FAM107A: variants seen among roughly 807,000 people sequenced by gnomAD.
FAM107A encodes the protein family with sequence similarity 107 member A, also known as actin-associated protein FAM107A.
FAM107A carries 19 observed loss-of-function variants against 13.7 expected under a neutral mutation model. The ratio of observed to expected loss-of-function variants is 1.38; its 90% confidence interval spans 0.97 to 2.03. The LOEUF (loss-of-function observed/expected upper bound fraction) is 2.03. Ranked by LOEUF, FAM107A falls within the 30% of genes most tolerant of loss-of-function variation. FAM107A has a pLI of 0.00. For synonymous variants in FAM107A, 82 were observed against 74.5 expected (o/e 1.10, Z -0.52); for missense variants, 203 against 184.4 (o/e 1.10, Z -0.58).
Position 58,604,106 on chromosome 3 carries a change from C to T in FAM107A, c.-69-14837G>A, listed in dbSNP as rs1254809731. The stretch of plus-strand genomic sequence containing the variant: ...CATGTCGGCTGATGAGCAGTTTCCA[C>T]CTGGGCTTTTGAAGGAGGGAGCCAC... On this transcript the variant is annotated intron_variant, in intron 1 of 3. Transcript: ENST00000465970. This position sits in a 1 kb window ranked among gnomAD's most constrained non-coding sequence, Gnocchi z 4.1. Among the ~76,000 whole-genome samples the T allele has an allele frequency of 6.6e-6, 1 of 151,974 alleles. No individual in the cohort carries two copies. Among genetic ancestry groups the T allele is most frequent in the African/African-American group, 2.4e-5 (1 of 41,348 alleles).
Position 58,613,087 on chromosome 3 carries a change from T to TAGAAA in FAM107A, c.-70+14328_-70+14329insTTTCT, listed in dbSNP as rs1311442948. On this transcript the variant is annotated intron_variant, in intron 1 of 3. Transcript: ENST00000465970. The surrounding 1 kb of genome is among the most constrained non-coding windows in gnomAD (Gnocchi z 4.6). Reference sequence around the variant, plus strand: ...AAGGTGATGATGGTCGGCAGCTCCATATCGCCAGCCGTGACTCTGCCCTGA... The same window carrying TAGAAA: ...AAGGTGATGATGGTCGGCAGCTCCATAGAAAATCGCCAGCCGTGACTCTGCCCTGA... Among the ~76,000 whole-genome samples, 8 of 152,154 alleles carry TAGAAA rather than the reference T, an allele frequency of 5.3e-5. No homozygotes were observed. The highest frequency in any genetic ancestry group is 1.7e-4 in the African/African-American group (7 of 41,426).
chr3:58,578,753 C>A (rs1041389892), upstream of FAM107A, among the ~76,000 whole-genome samples: 1 of 152,166 alleles, frequency 6.6e-6, no homozygotes, highest in Non-Finnish European at 1.5e-5. Flanking sequence ...AGTGAGGAAG[C>A]TGGGGTCTAC....
At position 58,624,446 on chromosome 3, in the gene FAM107A, G is replaced by A. The variant is rs141375610; in HGVS notation, c.-70+2970C>T. On this transcript the variant is annotated intron_variant, in intron 1 of 3. Transcript: ENST00000465970. The stretch of plus-strand genomic sequence containing the variant: ...CCAGTGGTCTATCTGTCACACCCTC[G>A]ACCCTTTCAGTGTTCTTCCATTCTC... Among the ~76,000 whole-genome samples, 546 of 149,054 alleles carry A rather than the reference G, an allele frequency of 3.7e-3. 2 individuals carry two copies. The highest frequency in any genetic ancestry group is 0.013 in the African/African-American group (516 of 40,488).
chr3:58,586,860 G>C, exon 1 of FAM107A: 1 of 1,530,154 alleles, frequency 6.5e-7, no homozygotes, highest in Non-Finnish European at 8.7e-7. Context: ...CCACTTACCC[G>C]ACCGGAGCAG....
rs1359904607 is a variant in FAM107A at position 58,613,875 on chromosome 3, C to T, written c.-70+13541G>A. Among the ~76,000 whole-genome samples the T allele has an allele frequency of 6.6e-6, 1 of 152,256 alleles. No individual in the cohort carries two copies. The highest frequency in any genetic ancestry group is 1.5e-5 in the Non-Finnish European group (1 of 68,042). ...CCTGTCCAAGGTCTATACGTTACAT[C>T]TGCCTCAGACAGCCTTCTGGCTCTG... On this transcript the variant is annotated intron_variant, in intron 1 of 3. Coordinates refer to the FAM107A transcript ENST00000465970. This position sits in a 1 kb window ranked among gnomAD's most constrained non-coding sequence, Gnocchi z 4.6.
upstream of FAM107A, among the ~76,000 whole-genome samples, chr3:58,581,160 G>C (rs2065536842): frequency 6.6e-6 from 1 of 152,238 alleles, no homozygotes; most frequent in African/African-American, 2.4e-5. Flanking sequence ...CTGCATACTT[G>C]CTCGGCCCCC....
chr3:58,591,351 C>T (rs1217664971), upstream of FAM107A, among the ~76,000 whole-genome samples: 1 of 152,128 alleles, frequency 6.6e-6, no homozygotes, highest in Non-Finnish European at 1.5e-5. The surrounding 1 kb of genome is among the most constrained non-coding windows in gnomAD (Gnocchi z 4.3). Flanking sequence ...AGCAGATGTC[C>T]TGGGGCAGGG....
At chr3:58,593,423 G>A (rs537025329) in intron 1 of FAM107A, among the ~76,000 whole-genome samples, 1 of 152,126 alleles carries the variant, frequency 6.6e-6, no homozygotes, top group South Asian at 2.1e-4. Flanking sequence ...TAAATGCCCT[G>A]CCCTTGTTTA....
upstream of FAM107A, among the ~76,000 whole-genome samples, chr3:58,587,925 G>GA (rs2065624032): frequency 6.6e-6 from 1 of 152,120 alleles, no homozygotes; most frequent in Non-Finnish European, 1.5e-5. Flanking sequence ...TTGCAAATAA[G>GA]AAAAAACAGA....
At chr3:58,615,644 C>A (rs1250366220) in intron 1 of FAM107A, among the ~76,000 whole-genome samples, 1 of 151,992 alleles carries the variant, frequency 6.6e-6, no homozygotes, top group Non-Finnish European at 1.5e-5. Flanking sequence ...GCCTGTAATC[C>A]CAGCACTTTG....
intron 1 of FAM107A, among the ~76,000 whole-genome samples, chr3:58,608,230 G>T (rs1277223697): frequency 6.6e-6 from 1 of 152,240 alleles, no homozygotes; most frequent in East Asian, 1.9e-4. Context: ...GCACAGAGTA[G>T]GTGCTCAATA....
rs71625690 is a variant in FAM107A at position 58,565,435 on chromosome 3, ATTTTTTTTTTT to A, written c.*1142_*1152del. ...GACTAGGAAAAAGTAAAAAAAAAAAATTTTTTTTTTTTTTTTTTTTTTTTTGGCTAGAATTG... is the reference window on the plus strand; with the variant it reads ...GACTAGGAAAAAGTAAAAAAAAAAAATTTTTTTTTTTTTTGGCTAGAATTG... On this transcript the variant is annotated 3_prime_UTR_variant, in exon 4 of 4. Transcript: ENST00000360997. 20 of 82,324 alleles carry A rather than the reference ATTTTTTTTTTT, an allele frequency of 2.4e-4. No homozygotes were observed. The highest frequency in any genetic ancestry group is 2.2e-4 in the African/African-American group (5 of 22,722). 5.1% of individuals were successfully genotyped at this position (82,324 alleles called of 1,614,324 possible).
intron 1 of FAM107A, among the ~76,000 whole-genome samples, chr3:58,597,047 C>T (rs762024965): frequency 2.0e-5 from 3 of 152,196 alleles, no homozygotes; most frequent in Non-Finnish European, 4.4e-5. Context: ...TGATTTCTGA[C>T]TTAAGTATTC....
intron 1 of FAM107A, among the ~76,000 whole-genome samples, chr3:58,619,603 C>A (rs983795870): frequency 1.3e-5 from 2 of 152,174 alleles, no homozygotes; most frequent in Admixed American, 6.5e-5. Context: ...CCTCGTGGGT[C>A]CCCCTTCAGT....
At chr3:58,624,699 C>T (rs1389079601) in intron 1 of FAM107A, among the ~76,000 whole-genome samples, 1 of 151,882 alleles carries the variant, frequency 6.6e-6, no homozygotes, top group African/African-American at 2.4e-5. Flanking sequence ...TGACATTCCC[C>T]AGGGGACAAA....
At chr3:58,589,257 G>A, upstream of FAM107A, 13 of 1,534,826 alleles carry the variant, frequency 8.5e-6, no homozygotes, top group Non-Finnish European at 1.0e-5. Context: ...CTGGCCTGAG[G>A]AGAGTATGTT....
chr3:58,626,734 A>C (rs2066021557), intron 1 of FAM107A, among the ~76,000 whole-genome samples: 1 of 152,160 alleles, frequency 6.6e-6, no homozygotes, highest in African/African-American at 2.4e-5. Context: ...AAGACCAGGG[A>C]GCCAGAGAGA....
intron 1 of FAM107A, among the ~76,000 whole-genome samples, chr3:58,582,976 T>G (rs2065565003): frequency 6.6e-6 from 1 of 152,098 alleles, no homozygotes; most frequent in South Asian, 2.1e-4. Flanking sequence ...TTTTTGTATT[T>G]TTGGTAGAGA....
At chr3:58,623,099 A>G (rs567962217) in intron 1 of FAM107A, among the ~76,000 whole-genome samples, 130 of 152,328 alleles carry the variant, frequency 8.5e-4, no homozygotes, top group Non-Finnish European at 1.2e-3. Flanking sequence ...CCCATCCATC[A>G]TCGGCAGGGA....
Sources: allele counts gnomAD v4.1 joint callset (sites outside exome capture counted in the v4.1 genomes callset), GRCh38; gene constraint gnomAD v4.1.1; non-coding constraint Gnocchi (gnomAD v3.1); transcripts MANE v1.5; gene names NCBI Gene and HGNC (gene_info 2026-07-23, HGNC 2026-07-21).